PSKH2: variants seen among roughly 807,000 people sequenced by gnomAD.
The protein encoded by PSKH2 is protein serine kinase H2.
PSKH2 carries 16 observed loss-of-function variants against 22.5 expected under a neutral mutation model. The observed-to-expected ratio is 0.71, with a 90% CI of 0.48 to 1.08. The LOEUF is 1.08. Ranked by LOEUF, PSKH2 falls within the 50% of genes least tolerant of loss-of-function variation. PSKH2 has a pLI of 0.00. For missense variants in PSKH2, 516 were observed against 492.8 expected (o/e 1.05, Z -0.44); for synonymous variants, 188 against 184.8 (o/e 1.02, Z -0.14).
At chr8:86,049,764 A>C (rs1393812310) in intron 2 of PSKH2, among the ~76,000 whole-genome samples, 1 of 136,310 alleles carries the variant, frequency 7.3e-6, no homozygotes, top group Non-Finnish European at 1.7e-5. Context: ...AGAAAGAAAG[A>C]AAGAGAAAAG....
At chr8:86,068,214 A>T (rs1817892037) in intron 1 of PSKH2, among the ~76,000 whole-genome samples, 2 of 152,242 alleles carry the variant, frequency 1.3e-5, no homozygotes, top group African/African-American at 4.8e-5. Context: ...CAAGGAGGCC[A>T]GGAAATGGCT....
chr8:86,058,672 TC>T (rs1292477732), intron 2 of PSKH2, among the ~76,000 whole-genome samples: 1 of 152,132 alleles, frequency 6.6e-6, no homozygotes, highest in African/African-American at 2.4e-5. Flanking sequence ...TAATCGTAAT[TC>T]TAAACAGTAT....
At chr8:86,067,029 T>C (rs1817875109) in intron 1 of PSKH2, among the ~76,000 whole-genome samples, 1 of 152,210 alleles carries the variant, frequency 6.6e-6, no homozygotes, top group Non-Finnish European at 1.5e-5. Context: ...CCCTCAAAGC[T>C]GCCATCAAAC....
At chr8:86,058,450 A>C (rs1242804472) in intron 2 of PSKH2, among the ~76,000 whole-genome samples, 4 of 152,234 alleles carry the variant, frequency 2.6e-5, no homozygotes, top group African/African-American at 9.6e-5. Context: ...GTTATATCTG[A>C]GATACACTTA....
intron 1 of PSKH2, 122 bp from the exon 2 acceptor site, chr8:86,064,753 T>C (rs1817835567): frequency 2.5e-6 from 2 of 805,572 alleles, no homozygotes; most frequent in South Asian, 3.8e-5. Flanking sequence ...TATTTGTTTA[T>C]TATTACTTGT....
chr8:86,056,815 GA>G (rs1329397044), intron 2 of PSKH2, among the ~76,000 whole-genome samples: 1 of 151,488 alleles, frequency 6.6e-6, no homozygotes, highest in Non-Finnish European at 1.5e-5. Context: ...CTGAGATACA[GA>G]AAAAACTTTT....
chr8:86,059,789 C>A (rs372250591), intron 2 of PSKH2, among the ~76,000 whole-genome samples: 27 of 152,344 alleles, frequency 1.8e-4, no homozygotes, highest in African/African-American at 3.6e-4. Context: ...ATCTATGCTT[C>A]CAGACTTGAC....
rs1229443975 is a variant in PSKH2 at position 86,047,561 on chromosome 8, T to A, written c.*901A>T. ...CCCACACATATGAGTGACTCACAGA[T>A]ATGATTAATAATATTTCAATCTTTA... is the stretch of plus-strand genomic sequence containing the variant. On this transcript the variant is annotated 3_prime_UTR_variant, in exon 3 of 3. Coordinates refer to ENST00000276616, the MANE Select transcript of PSKH2 (RefSeq NM_033126.3). Among the ~76,000 whole-genome samples, 1 of 152,166 alleles carries A rather than the reference T, an allele frequency of 6.6e-6. No individual in the cohort carries two copies. The highest frequency in any genetic ancestry group is 1.5e-5 in the Non-Finnish European group (1 of 67,994).
At chr8:86,068,535 C>T (rs1817896621) in intron 1 of PSKH2, among the ~76,000 whole-genome samples, 1 of 152,176 alleles carries the variant, frequency 6.6e-6, no homozygotes, top group Non-Finnish European at 1.5e-5. Flanking sequence ...ACATGTATTA[C>T]TTTAATTATG....
At chr8:86,057,285 TAC>T (rs71574253) in intron 2 of PSKH2, among the ~76,000 whole-genome samples, 9 of 129,846 alleles carry the variant, frequency 6.9e-5, no homozygotes, top group East Asian at 2.7e-4. Context: ...TGCATGCATG[TAC>T]ACACACACAC....
In PSKH2 at chr8:86,048,326, A is replaced by G; in HGVS notation, c.*136T>C. The G allele has an allele frequency of 3.0e-6, 2 of 663,526 alleles. No homozygotes were observed. Among genetic ancestry groups the G allele is most frequent in the Non-Finnish European group, 4.9e-6 (2 of 404,238 alleles). 41.1% of individuals were successfully genotyped at this position (663,526 alleles called of 1,614,324 possible). A position where few individuals can be genotyped will look rare whatever the true frequency, so the allele number is the denominator to read the frequency against. The stretch of plus-strand genomic sequence containing the variant: ...AATACAGGTATAGGAAAAATTATAG[A>G]ACAAGAAAATGTTAAAAGTCAAGAT... On this transcript the variant is annotated 3_prime_UTR_variant, in exon 3 of 3. Transcript: ENST00000276616.
At chr8:86,051,168 C>T (rs1056291714) in intron 2 of PSKH2, among the ~76,000 whole-genome samples, 130 of 152,154 alleles carry the variant, frequency 8.5e-4, no homozygotes, top group African/African-American at 2.9e-3. Context: ...CGGGTTCAGG[C>T]GATTCTCGTG....
chr8:86,049,738 G>C lies in PSKH2; in HGVS notation c.853-971C>G, dbSNP rs1817596080. Among the ~76,000 whole-genome samples the C allele has an allele frequency of 8.5e-5, 3 of 35,474 alleles. 1 individual carries two copies. The South Asian group carries it at 4.1e-3, about 48-fold the overall frequency. The allele number at this position is 35,474 out of a possible 152,430, so 23.3% of individuals were successfully genotyped here. Reference sequence around the variant, plus strand: ...AGAAAGAAAGAAAGAAAGAAAGAAAGAAAGAAAGAAACGAAAGAAAGAAAG... The same window carrying C: ...AGAAAGAAAGAAAGAAAGAAAGAAACAAAGAAAGAAACGAAAGAAAGAAAG... On this transcript the variant is annotated intron_variant, in intron 2 of 2. Coordinates refer to ENST00000276616, the MANE Select transcript of PSKH2 (RefSeq NM_033126.3).
At chr8:86,055,226 C>T (rs1433213530) in intron 2 of PSKH2, among the ~76,000 whole-genome samples, 2 of 152,124 alleles carry the variant, frequency 1.3e-5, no homozygotes, top group Non-Finnish European at 2.9e-5. Flanking sequence ...GTGAATTCCA[C>T]TGATGATATC....
At chr8:86,050,538 T>G (rs1258348783) in intron 2 of PSKH2, among the ~76,000 whole-genome samples, 3 of 152,130 alleles carry the variant, frequency 2.0e-5, no homozygotes, top group Non-Finnish European at 4.4e-5. Flanking sequence ...AGTTAGGACG[T>G]TTTCCAGAGC....
At chr8:86,060,073 C>G (rs577472986) in intron 2 of PSKH2, among the ~76,000 whole-genome samples, 5 of 152,286 alleles carry the variant, frequency 3.3e-5, no homozygotes, top group Non-Finnish European at 7.3e-5. Flanking sequence ...AAACTGTCAC[C>G]ACTGGATTCC....
At chr8:86,049,726 GAAAGAAAGAAAGAAAGAAAGAAACGAAA>G (rs1430123486) in intron 2 of PSKH2, among the ~76,000 whole-genome samples, 655 of 62,466 alleles carry the variant, frequency 0.01, 31 homozygotes, top group Middle Eastern at 0.039. Flanking sequence ...AAGAAAGAAA[GAAAGAAAGAAAGAAAGAAAGAAACGAAA>G]GAAAGAAAGA....
chr8:86,064,745 T>C, intron 1 of PSKH2, 114 bp from the exon 2 acceptor site: 1 of 858,794 alleles, frequency 1.2e-6, no homozygotes, highest in African/African-American at 1.7e-5. Context: ...ATCAGATTTA[T>C]TTGTTTATTA....
At chr8:86,066,552 T>C (rs1364616515) in intron 1 of PSKH2, 3 of 152,220 alleles carry the variant, frequency 2.0e-5, no homozygotes, top group African/African-American at 7.2e-5. Context: ...GAATGGAATG[T>C]ACTCAGGGAG....
Sources: gnomAD v4.1 joint callset for allele counts (sites outside exome capture counted in the v4.1 genomes callset) on GRCh38, gnomAD v4.1.1 for gene constraint, MANE v1.5 for transcripts, NCBI Gene and HGNC (gene_info 2026-07-23, HGNC 2026-07-21) for gene names.